DMRTA1: variants seen among roughly 807,000 people sequenced by gnomAD.
DMRTA1 encodes doublesex- and mab-3-related transcription factor A1.
A neutral mutation model predicts 35.2 loss-of-function variants in DMRTA1; 34 were observed. That is an observed-to-expected ratio of 0.97 (90% CI 0.74 to 1.29). The LOEUF (loss-of-function observed/expected upper bound fraction) is 1.29. Ranked by LOEUF, DMRTA1 falls within the 50% of genes most tolerant of loss-of-function variation. The pLI is 0.00. For missense variants in DMRTA1, 824 were observed against 644.6 expected (o/e 1.28, Z -3.01); for synonymous variants, 344 against 276.6 (o/e 1.24, Z -2.42).
rs16906145 is a variant in DMRTA1 at position 22,455,715 on chromosome 9, T to A, written c.*3804T>A. On this transcript the variant is annotated 3_prime_UTR_variant, in exon 2 of 2. Coordinates refer to ENST00000325870, the MANE Select transcript of DMRTA1 (RefSeq NM_022160.3). ...TATTTGGATTATTTTCAGGGCTTTCTGAAGAAAATAAACATCGAAATCATA... is the reference window on the plus strand; with the variant it reads ...TATTTGGATTATTTTCAGGGCTTTCAGAAGAAAATAAACATCGAAATCATA... 8 of 152,138 alleles carry A rather than the reference T, an allele frequency of 5.3e-5. No individual in the cohort carries two copies. Among genetic ancestry groups the A allele is most frequent in the Admixed American group, 2.0e-4 (3 of 15,268 alleles). The allele number at this position is 152,138 out of a possible 1,614,324, so 9.4% of individuals were successfully genotyped here.
Position 22,447,507 on chromosome 9 carries a change from CAGG to C in DMRTA1, c.448_450del (p.Glu150del). ...GGTGGCGCTGCGCAGGCAGCAGGCGCAGGAGGAGAGCGAAGCCCGGGGGCTACA... is the reference window on the plus strand; with the variant it reads ...GGTGGCGCTGCGCAGGCAGCAGGCGCAGGAGAGCGAAGCCCGGGGGCTACA... On this transcript the variant is annotated inframe_deletion, in exon 1 of 2. Coordinates refer to ENST00000325870, the MANE Select transcript of DMRTA1 (RefSeq NM_022160.3). The C allele has an allele frequency of 1.3e-6, 2 of 1,568,536 alleles. No homozygotes were observed. The highest frequency in any genetic ancestry group is 1.7e-6 in the Non-Finnish European group (2 of 1,158,336).
In DMRTA1 at chr9:22,453,552, TA is replaced by T. The variant is rs1818962906; in HGVS notation, c.*1647del. 2 of 152,106 alleles carry T rather than the reference TA, an allele frequency of 1.3e-5. No homozygotes were observed. The highest frequency in any genetic ancestry group is 4.1e-4 in the South Asian group (2 of 4,832). 9.4% of individuals were successfully genotyped at this position (152,106 alleles called of 1,614,324 possible). A position where few individuals can be genotyped will look rare whatever the true frequency, so the allele number is the denominator to read the frequency against. ...CGATGTACTCAATATTCATTTATTATAAAAAAGTTTTATATTCTAAGCCTAA... is the reference window on the plus strand; with the variant it reads ...CGATGTACTCAATATTCATTTATTATAAAAAGTTTTATATTCTAAGCCTAA... On this transcript the variant is annotated 3_prime_UTR_variant, in exon 2 of 2. Transcript: ENST00000325870.
Position 22,446,851 on chromosome 9 carries a change from C to G in DMRTA1, c.-215C>G, listed in dbSNP as rs1313880481. On this transcript the variant is annotated 5_prime_UTR_variant, in exon 1 of 2. Transcript: ENST00000325870. ...CTTAGCGCCCGGGGTCTCTGCCAGGCTCACGGGACAGCTGCACCTCTCAGC... is the reference window on the plus strand; with the variant it reads ...CTTAGCGCCCGGGGTCTCTGCCAGGGTCACGGGACAGCTGCACCTCTCAGC... 8.6e-6 allele frequency: 5 copies of G among 581,672 alleles called. No homozygotes were observed. Among genetic ancestry groups the G allele is most frequent in the African/African-American group, 2.0e-5 (1 of 50,152 alleles). 36.0% of individuals were successfully genotyped at this position (581,672 alleles called of 1,614,324 possible). A position where few individuals can be genotyped will look rare whatever the true frequency, so the allele number is the denominator to read the frequency against.
In DMRTA1 at chr9:22,453,795, A is replaced by G. The variant is rs1389278398; in HGVS notation, c.*1884A>G. 9 of 152,010 alleles carry G rather than the reference A, an allele frequency of 5.9e-5. No homozygotes were observed. The highest frequency in any genetic ancestry group is 1.4e-4 in the African/African-American group (6 of 41,418). The allele number at this position is 152,010 out of a possible 1,614,324, so 9.4% of individuals were successfully genotyped here. On this transcript the variant is annotated 3_prime_UTR_variant, in exon 2 of 2. Coordinates refer to ENST00000325870, the MANE Select transcript of DMRTA1 (RefSeq NM_022160.3). ...CCTTGGTGATTCTTCAGTTGTTTCT[A>G]TTGCATTAATCCACTTATTGAATGC...
rs1259817549 is a variant in DMRTA1, at chr9:22,447,620, G to T, written c.555G>T (p.Thr185=). The change falls in exon 1 of 2, where the codon ACG becomes ACT. Residue 185 remains threonine, a synonymous_variant. Coordinates refer to ENST00000325870, the MANE Select transcript of DMRTA1 (RefSeq NM_022160.3). ...GGGRAENPQS[T]GGPAAGAALG... The stretch of plus-strand genomic sequence containing the variant: ...GCAGAGCCGAGAATCCACAGTCCAC[G>T]GGCGGCCCTGCGGCGGGGGCTGCGC... 7 of 1,610,880 alleles carry T rather than the reference G, an allele frequency of 4.3e-6. No individual in the cohort carries two copies. The highest frequency in any genetic ancestry group is 5.9e-6 in the Non-Finnish European group (7 of 1,179,488).
In DMRTA1 at chr9:22,447,589, G is replaced by T. The variant is rs758755308; in HGVS notation, c.524G>T (p.Gly175Val). Reference protein sequence around the residue: ...SWPPGGRASGGGGRAENPQST... With the variant: ...SWPPGGRASGVGGRAENPQST... ...CCCCCCGGTGGTCGGGCATCCGGGG[G>T]CGGCGGCAGAGCCGAGAATCCACAG... The change falls in exon 1 of 2, where the codon GGC (glycine) becomes GTC (valine). Residue 175 changes from glycine to valine, a missense_variant. Physicochemically the swap from Gly to Val is moderately radical, Grantham distance 109. Transcript: ENST00000325870. 9 of 1,602,886 alleles carry T rather than the reference G, an allele frequency of 5.6e-6. No homozygotes were observed. In the East Asian group the frequency reaches 1.8e-4, roughly 32 times the overall value.
In DMRTA1 at chr9:22,451,334, C is replaced by A; in HGVS notation, c.938C>A (p.Thr313Asn). 6.2e-7 allele frequency: 1 copy of A among 1,614,116 alleles called. No homozygotes were observed. The highest frequency in any genetic ancestry group is 1.1e-5 in the South Asian group (1 of 91,086). ...GNESEWVKDL[T>N]ATKASLPTVS... ...GAAAGTGAATGGGTCAAAGACTTGA[C>A]TGCGACCAAGGCAAGCCTTCCGACA... The change falls in exon 2 of 2, where the codon ACT becomes AAT. Residue 313 changes from threonine to asparagine, a missense_variant. Physicochemically the swap from Thr to Asn is moderately conservative, Grantham distance 65. Transcript: ENST00000325870.
chr9:22,446,850 G>A lies in DMRTA1; in HGVS notation c.-216G>A, dbSNP rs2117946171. The A allele has an allele frequency of 3.5e-6, 2 of 579,076 alleles. No individual in the cohort carries two copies. Among genetic ancestry groups the A allele is most frequent in the Non-Finnish European group, 5.8e-6 (2 of 345,464 alleles). The allele number at this position is 579,076 out of a possible 1,614,324, so 35.9% of individuals were successfully genotyped here. The stretch of plus-strand genomic sequence containing the variant: ...ACTTAGCGCCCGGGGTCTCTGCCAG[G>A]CTCACGGGACAGCTGCACCTCTCAG... On this transcript the variant is annotated 5_prime_UTR_variant, in exon 1 of 2. Coordinates refer to ENST00000325870, the MANE Select transcript of DMRTA1 (RefSeq NM_022160.3).
intron 1 of DMRTA1, 128 bp from the exon 2 acceptor site, chr9:22,450,936 G>C: frequency 1.0e-6 from 1 of 955,768 alleles, no homozygotes. Context: ...AAATGTCTTG[G>C]AGTGTATAAA....
chr9:22,452,104 C>T lies in DMRTA1; in HGVS notation c.*193C>T. The stretch of plus-strand genomic sequence containing the variant: ...CTGAAAACTCTTCATTAGGATTTAT[C>T]AAGTGAAAGAAGTAAATCTGAACAT... On this transcript the variant is annotated 3_prime_UTR_variant, in exon 2 of 2. Coordinates refer to ENST00000325870, the MANE Select transcript of DMRTA1 (RefSeq NM_022160.3). 1.9e-6 allele frequency: 1 copy of T among 522,740 alleles called. No homozygotes were observed. Among genetic ancestry groups the T allele is most frequent in the East Asian group, 3.3e-5 (1 of 30,262 alleles). The allele number at this position is 522,740 out of a possible 1,614,324, so 32.4% of individuals were successfully genotyped here.
rs552243478 is a variant in DMRTA1, at chr9:22,455,419, TTAAA to T, written c.*3513_*3516del. On this transcript the variant is annotated 3_prime_UTR_variant, in exon 2 of 2. Coordinates refer to ENST00000325870, the MANE Select transcript of DMRTA1 (RefSeq NM_022160.3). ...TTGCAAGATTCGTGGAGATAAAAGCTTAAATAAACGGCAGAGTACAGTAATGCTT... is the reference window on the plus strand; with the variant it reads ...TTGCAAGATTCGTGGAGATAAAAGCTTAAACGGCAGAGTACAGTAATGCTT... The T allele has an allele frequency of 1.0e-3, 152 of 152,298 alleles. No individual in the cohort carries two copies. The highest frequency in any genetic ancestry group is 3.6e-3 in the African/African-American group (151 of 41,566). The allele number at this position is 152,298 out of a possible 1,614,324, so 9.4% of individuals were successfully genotyped here. A position where few individuals can be genotyped will look rare whatever the true frequency, so the allele number is the denominator to read the frequency against.
chr9:22,446,829 A>G lies in DMRTA1; in HGVS notation c.-237A>G, dbSNP rs655497. The G allele has an allele frequency of 0.29, 151,252 of 524,946 alleles. 22,581 individuals are homozygous for G. The highest frequency in any genetic ancestry group is 0.34 in the Admixed American group (8,324 of 24,692). The allele number at this position is 524,946 out of a possible 1,614,324, so 32.5% of individuals were successfully genotyped here. On this transcript the variant is annotated 5_prime_UTR_variant, in exon 1 of 2. Transcript: ENST00000325870. The stretch of plus-strand genomic sequence containing the variant: ...GCTGGAGGCACAAAGGCATTAACTT[A>G]GCGCCCGGGGTCTCTGCCAGGCTCA...
chr9:22,451,543 G>C lies in DMRTA1; in HGVS notation c.1147G>C (p.Glu383Gln), dbSNP rs748120845. 5.6e-5 allele frequency: 90 copies of C among 1,614,038 alleles called. No individual in the cohort carries two copies. The highest frequency in any genetic ancestry group is 7.5e-5 in the Non-Finnish European group (89 of 1,179,976). ...GAACCTAGCAAACTCAGAAGAACTGGAAAACACAGCCTTTCAGAGAGCTTC... is the reference window on the plus strand; with the variant it reads ...GAACCTAGCAAACTCAGAAGAACTGCAAAACACAGCCTTTCAGAGAGCTTC... ...NRNLANSEEL[E>Q]NTAFQRASSF... The change falls in exon 2 of 2, where the codon GAA becomes CAA. Residue 383 changes from glutamate (E) to glutamine (Q), a missense_variant. Glu to Gln is a conservative substitution (Grantham distance 29). Transcript: ENST00000325870.
Position 22,447,394 on chromosome 9 carries a change from A to G in DMRTA1, c.329A>G (p.Lys110Arg). 6.4e-7 allele frequency: 1 copy of G among 1,553,126 alleles called. No homozygotes were observed. The highest frequency in any genetic ancestry group is 8.7e-7 in the Non-Finnish European group (1 of 1,151,412). The change falls in exon 1 of 2, where the codon AAG becomes AGG. Residue 110 changes from lysine to arginine, a missense_variant. Transcript: ENST00000325870. The stretch of plus-strand genomic sequence containing the variant: ...AACCATGGTGTGGTGTCAGCGCTCA[A>G]GGGCCACAAGCGCTTCTGCCGCTGG... ...CRNHGVVSALKGHKRFCRWRD... is the reference protein window; with the variant it reads ...CRNHGVVSALRGHKRFCRWRD...
chr9:22,447,136 T>C lies in DMRTA1; in HGVS notation c.71T>C (p.Val24Ala). 1 of 1,605,740 alleles carries C rather than the reference T, an allele frequency of 6.2e-7. No individual in the cohort carries two copies. The highest frequency in any genetic ancestry group is 8.5e-7 in the Non-Finnish European group (1 of 1,177,052). The change falls in exon 1 of 2, where the codon GTG (valine) becomes GCG (alanine). Residue 24 changes from valine (V) to alanine (A), a missense_variant. Transcript: ENST00000325870. ...CGACCTCACTTGGCCCCTGGGCTAG[T>C]GGTGGCTGCCCCTCCGCCCCCGTCC... ...SGRPHLAPGLVVAAPPPPSPA... is the reference protein window; with the variant it reads ...SGRPHLAPGLAVAAPPPPSPA...
In DMRTA1 at chr9:22,455,371, A is replaced by C. The variant is rs1477314387; in HGVS notation, c.*3460A>C. 1 of 152,248 alleles carries C rather than the reference A, an allele frequency of 6.6e-6. No homozygotes were observed. The highest frequency in any genetic ancestry group is 6.5e-5 in the Admixed American group (1 of 15,286). The allele number at this position is 152,248 out of a possible 1,614,324, so 9.4% of individuals were successfully genotyped here. A position where few individuals can be genotyped will look rare whatever the true frequency, so the allele number is the denominator to read the frequency against. ...TTTGGACATTTATTTCTTCTCAGCA[A>C]AACAAGGGTAATAATATTTAACTTG... On this transcript the variant is annotated 3_prime_UTR_variant, in exon 2 of 2. Coordinates refer to ENST00000325870, the MANE Select transcript of DMRTA1 (RefSeq NM_022160.3).
At position 22,455,537 on chromosome 9, in the gene DMRTA1, A is replaced by T. The variant is rs1380305730; in HGVS notation, c.*3626A>T. The T allele has an allele frequency of 6.6e-6, 1 of 152,196 alleles. No individual in the cohort carries two copies. The highest frequency in any genetic ancestry group is 1.5e-5 in the Non-Finnish European group (1 of 68,032). 9.4% of individuals were successfully genotyped at this position (152,196 alleles called of 1,614,324 possible). On this transcript the variant is annotated 3_prime_UTR_variant, in exon 2 of 2. Coordinates refer to ENST00000325870, the MANE Select transcript of DMRTA1 (RefSeq NM_022160.3). ...CCCCCTCGTGGCAGTCTCTCAACAAAGAGTACTGTAATTGCATTTAATCCA... is the reference window on the plus strand; with the variant it reads ...CCCCCTCGTGGCAGTCTCTCAACAATGAGTACTGTAATTGCATTTAATCCA...
chr9:22,450,720 C>G (rs1185169250), intron 1 of DMRTA1, among the ~76,000 whole-genome samples: 7 of 152,128 alleles, frequency 4.6e-5, no homozygotes, highest in Admixed American at 4.6e-4. Flanking sequence ...GAAGATCCCA[C>G]ACAACCAAGA....
intron 1 of DMRTA1, among the ~76,000 whole-genome samples, chr9:22,447,944 G>A (rs1818865910): frequency 6.6e-6 from 1 of 152,146 alleles, no homozygotes; most frequent in South Asian, 2.1e-4. Flanking sequence ...GTTCCCTCAG[G>A]TGATAGGATG....
Sources: gnomAD v4.1 joint callset for allele counts (sites outside exome capture counted in the v4.1 genomes callset) on GRCh38, gnomAD v4.1.1 for gene constraint, MANE v1.5 for transcripts, NCBI Gene and HGNC (gene_info 2026-07-23, HGNC 2026-07-21) for gene names.